Variants in FCRL2 observed in about 807,000 individuals in gnomAD.
FCRL2 encodes the protein Fc receptor-like protein 2.
FCRL2 carries 48 observed loss-of-function variants against 59.8 expected under a neutral mutation model. The ratio of observed to expected loss-of-function variants is 0.80; its 90% CI spans 0.64 to 1.02. The LOEUF (loss-of-function observed/expected upper bound fraction) is 1.02, where lower values mean the gene tolerates loss of function less well. Ranked by LOEUF, FCRL2 falls within the 50% of genes least tolerant of loss-of-function variation. FCRL2 has a pLI of 0.00. For synonymous variants in FCRL2, 251 were observed against 229.5 expected (o/e 1.09, Z -0.85); for missense variants, 658 against 597.3 (o/e 1.10, Z -1.06).
chr1:157,756,443 G>A (rs1648594726), intron 7 of FCRL2, among the ~76,000 whole-genome samples: 1 of 152,172 alleles, frequency 6.6e-6, no homozygotes, highest in Non-Finnish European at 1.5e-5. Flanking sequence ...AGTGCTTTGG[G>A]AGGCCAAGGT....
intron 7 of FCRL2, among the ~76,000 whole-genome samples, chr1:157,760,715 G>GAAAGAAAGAAAGAAAT (rs1648996476): frequency 7.5e-6 from 1 of 133,154 alleles, no homozygotes; most frequent in African/African-American, 2.8e-5. Flanking sequence ...AAGAAAGAAA[G>GAAAGAAAGAAAGAAAT]AAAGAAAGAA....
rs367790232 is a variant in FCRL2 at position 157,771,242 on chromosome 1, C to T, written c.53-576G>A. Among the ~76,000 whole-genome samples the T allele has an allele frequency of 5.3e-5, 8 of 152,222 alleles. No homozygotes were observed. The East Asian group carries it at 5.8e-4, about 11-fold the overall frequency. ...TTTTTAATGTTCATGAAGGAGTGTT[C>T]TGATAAACACCTCATCTTCAGCCTT... is the stretch of plus-strand genomic sequence containing the variant. On this transcript the variant is annotated intron_variant, in intron 2 of 11. Coordinates refer to ENST00000361516, the MANE Select transcript of FCRL2 (RefSeq NM_030764.4).
Position 157,746,626 on chromosome 1 carries a change from G to A in FCRL2, c.*110C>T, listed in dbSNP as rs988632394. The A allele has an allele frequency of 1.8e-6, 2 of 1,092,568 alleles. No homozygotes were observed. The highest frequency in any genetic ancestry group is 2.4e-4 in the Middle Eastern group (1 of 4,174). 67.7% of individuals were successfully genotyped at this position (1,092,568 alleles called of 1,614,324 possible). A position where few individuals can be genotyped will look rare whatever the true frequency, so the allele number is the denominator to read the frequency against. On this transcript the variant is annotated 3_prime_UTR_variant, in exon 12 of 12. Coordinates refer to ENST00000361516, the MANE Select transcript of FCRL2 (RefSeq NM_030764.4). ...TGACAGGAGGTGCCTCCTGAGGCAC[G>A]TTCTGGCTGTGGCAGGTGATAAGCC...
chr1:157,748,542 C>T lies in FCRL2; in HGVS notation c.1459+11G>A, dbSNP rs1214036897. On this transcript the variant is annotated intron_variant, in intron 10 of 11. Coordinates refer to ENST00000361516, the MANE Select transcript of FCRL2 (RefSeq NM_030764.4). ...TATGCATCTGACAAGAACTACTTTG[C>T]AGTTTCTCACCTGAGCTTTCTGGCT... The T allele has an allele frequency of 3.7e-6, 6 of 1,611,228 alleles. No individual in the cohort carries two copies. The highest frequency in any genetic ancestry group is 2.2e-5 in the East Asian group (1 of 44,812).
intron 7 of FCRL2, among the ~76,000 whole-genome samples, chr1:157,750,170 GCCATCTCTTGTA>G (rs1440433916): frequency 1.3e-5 from 2 of 152,148 alleles, no homozygotes; most frequent in Non-Finnish European, 2.9e-5. Flanking sequence ...GGCGAACTAG[GCCATCTCTTGTA>G]CCATTTTGCT....
chr1:157,754,333 G>A (rs191088169), intron 7 of FCRL2, among the ~76,000 whole-genome samples: 17 of 152,246 alleles, frequency 1.1e-4, no homozygotes, highest in Admixed American at 5.2e-4. Flanking sequence ...CCCACCAGTG[G>A]CATGATGGTT....
chr1:157,765,808 A>T (rs1270433793), intron 7 of FCRL2, among the ~76,000 whole-genome samples: 2 of 152,222 alleles, frequency 1.3e-5, no homozygotes, highest in East Asian at 3.8e-4. Flanking sequence ...AAGCACCAGG[A>T]CATAATAAAA....
rs200838395 is a variant in FCRL2 at position 157,748,972 on chromosome 1, T to C, written c.1308-12A>G. The C allele has an allele frequency of 2.1e-5, 33 of 1,609,270 alleles. No homozygotes were observed. The highest frequency in any genetic ancestry group is 2.7e-5 in the African/African-American group (2 of 74,862). On this transcript the variant is annotated splice_polypyrimidine_tract_variant and intron_variant, in intron 8 of 11. Transcript: ENST00000361516. ...GCCTGGAAGCCCCTCTGTGAGAAAG[T>C]GAATTAATTGTATGATAATCCCCAG...
chr1:157,772,028 T>TTATATATATATATATA (rs35452726), intron 2 of FCRL2, among the ~76,000 whole-genome samples: 22 of 147,146 alleles, frequency 1.5e-4, no homozygotes, highest in African/African-American at 5.5e-4. Flanking sequence ...AACAATCTGA[T>TTATATATATATATATA]TATATATATA....
chr1:157,771,673 G>A (rs868636892), intron 2 of FCRL2, among the ~76,000 whole-genome samples: 2 of 152,154 alleles, frequency 1.3e-5, no homozygotes, highest in South Asian at 2.1e-4. Flanking sequence ...TTTTGACCCC[G>A]TCACTTCATT....
In FCRL2 at chr1:157,767,451, C is replaced by T. The variant is rs559320189; in HGVS notation, c.942G>A (p.Gly314=). Residue 314 remains glycine, a synonymous_variant, in exon 6 of 12, where the codon GGG becomes GGA. Transcript: ENST00000361516. ...CCTCACAGTGAAGCTCCAGCAGGTC[C>T]CCCACTGCAGCCTGGGCCCCAGGAG... ...LRSPGAQAAV[G]DLLELHCEAL... is the part of the protein sequence containing the mutation. 15 of 1,614,210 alleles carry T rather than the reference C, an allele frequency of 9.3e-6. No homozygotes were observed. In the African/African-American group the frequency reaches 9.3e-5, roughly 10 times the overall value.
intron 9 of FCRL2, 118 bp downstream of exon 9, chr1:157,748,757 G>T: frequency 8.7e-7 from 1 of 1,150,114 alleles, no homozygotes; most frequent in Non-Finnish European, 1.3e-6. Context: ...GTTATTTATT[G>T]GGAATGGCTG....
At position 157,766,870 on chromosome 1, in the gene FCRL2, A is replaced by G. The variant is rs1007066276; in HGVS notation, c.1264T>C (p.Phe422Leu). The change falls in exon 7 of 12, where the codon TTC (phenylalanine) becomes CTC (leucine). Residue 422 changes from phenylalanine to leucine, a missense_variant. Phe to Leu is a conservative substitution (Grantham distance 22). Coordinates refer to ENST00000361516, the MANE Select transcript of FCRL2 (RefSeq NM_030764.4). ...TAGATACAACCTGATATCTTGTGGAACAAGGCATACAACAGCAAAGCAACA... is the reference window on the plus strand; with the variant it reads ...TAGATACAACCTGATATCTTGTGGAGCAAGGCATACAACAGCAAAGCAACA... ...TGVALLLYAL[F>L]HKISGESSAT... The G allele has an allele frequency of 6.2e-7, 1 of 1,614,170 alleles. No homozygotes were observed. Among genetic ancestry groups the G allele is most frequent in the Non-Finnish European group, 8.5e-7 (1 of 1,180,020 alleles).
rs1305130164 is a variant in FCRL2, at chr1:157,770,622, T to C, written c.97A>G (p.Ser33Gly). The part of the protein sequence containing the change: ...VAPSSVFEGD[S>G]IVLKCQGEQN... ...TCTCCCTGGCATTTCAGAACGATGCTGTCTCCTTCGAAGACAGAAGAGGGC... is the reference window on the plus strand; with the variant it reads ...TCTCCCTGGCATTTCAGAACGATGCCGTCTCCTTCGAAGACAGAAGAGGGC... The change falls in exon 3 of 12, where the codon AGC becomes GGC. Residue 33 changes from serine to glycine, a missense_variant. Transcript: ENST00000361516. 2 of 1,614,192 alleles carry C rather than the reference T, an allele frequency of 1.2e-6. No homozygotes were observed. The highest frequency in any genetic ancestry group is 2.2e-5 in the South Asian group (2 of 91,086).
intron 5 of FCRL2, 156 bp from the exon 6 acceptor site, chr1:157,767,665 A>T: frequency 1.3e-6 from 2 of 1,596,686 alleles, no homozygotes; most frequent in East Asian, 4.5e-5. Context: ...TAATTTTCTC[A>T]ACAATATATT....
chr1:157,761,308 T>A (rs1345996005), intron 7 of FCRL2, among the ~76,000 whole-genome samples: 1 of 152,142 alleles, frequency 6.6e-6, no homozygotes, highest in East Asian at 1.9e-4. Flanking sequence ...TCCCCAAGGT[T>A]GTTAGACATA....
Position 157,775,804 on chromosome 1 carries a change from A to T in FCRL2, c.32-9T>A. ...CTGTTCAGTGACTGCATCTGTGAGGAGATCAAAAGCCAGAGATTAGCACAC... is the reference window on the plus strand; with the variant it reads ...CTGTTCAGTGACTGCATCTGTGAGGTGATCAAAAGCCAGAGATTAGCACAC... On this transcript the variant is annotated splice_polypyrimidine_tract_variant and intron_variant, in intron 1 of 11. Transcript: ENST00000361516. The T allele has an allele frequency of 1.2e-6, 2 of 1,613,884 alleles. No individual in the cohort carries two copies. The highest frequency in any genetic ancestry group is 1.7e-6 in the Non-Finnish European group (2 of 1,179,906).
In FCRL2 at chr1:157,769,919, G is replaced by C. The variant is rs756244463; in HGVS notation, c.542C>G (p.Thr181Arg). Residue 181 changes from threonine to arginine, a missense_variant, in exon 4 of 12, where the codon ACG becomes AGG. Thr to Arg is a moderately conservative substitution (Grantham distance 71). Coordinates refer to ENST00000361516, the MANE Select transcript of FCRL2 (RefSeq NM_030764.4). ...DTGSYWCKAE[T>R]VTHRIRKQSL... ...CTGTTTTCTGATCCTGTGAGTCACC[G>C]TTTCTGCCTTGCACCAGTAAGACCC... The C allele has an allele frequency of 6.2e-7, 1 of 1,614,160 alleles. No individual in the cohort carries two copies. The highest frequency in any genetic ancestry group is 2.2e-5 in the East Asian group (1 of 44,878).
chr1:157,746,823 T>A, intron 11 of FCRL2, 48 bp downstream of exon 11: 1 of 1,613,726 alleles, frequency 6.2e-7, no homozygotes, highest in African/African-American at 1.3e-5. Flanking sequence ...AGAAAATAAA[T>A]AGGGAGAAGG....
Sources: allele counts gnomAD v4.1 joint callset (sites outside exome capture counted in the v4.1 genomes callset), GRCh38; gene constraint gnomAD v4.1.1; transcripts MANE v1.5; gene names NCBI Gene and HGNC (gene_info 2026-07-23, HGNC 2026-07-21).